CSMD1: variants seen among roughly 807,000 people sequenced by gnomAD.
CSMD1 encodes the protein CUB and sushi domain-containing protein 1.
In CSMD1, 213 loss-of-function variants were observed where a neutral mutation model predicts 417.5. The observed-to-expected ratio is 0.51, with a 90% confidence interval of 0.46 to 0.57. CSMD1 has a LOEUF of 0.57. Among genes scored for constraint, CSMD1 ranks in the 20% least tolerant of loss-of-function variants. The pLI, the probability that CSMD1 is intolerant of heterozygous loss-of-function variation, is 0.00. For missense variants in CSMD1, 6,923 were observed against 4,529.7 expected, an observed-to-expected ratio of 1.53 and a Z score of -15.17; for synonymous variants, 2,862 against 1,736.8, an observed-to-expected ratio of 1.65 and a Z score of -16.11.
chr8:3,108,535 G>C (rs1488053222), intron 44 of CSMD1, 68 bp downstream of exon 44: 9 of 1,505,952 alleles, frequency 6.0e-6, no homozygotes, highest in Non-Finnish European at 3.6e-6. Context: ...AACAAGGCGT[G>C]GGACAACACT....
intron 3 of CSMD1, among the ~76,000 whole-genome samples, chr8:4,089,993 A>G (rs533845947): frequency 6.6e-6 from 1 of 152,144 alleles, no homozygotes; most frequent in Admixed American, 6.5e-5. Flanking sequence ...ATGGAAACCT[A>G]CTTTCTCTAC....
intron 23 of CSMD1, among the ~76,000 whole-genome samples, chr8:3,327,414 T>C (rs2584222): frequency 0.35 from 52,501 of 152,088 alleles, 9,488 homozygotes; most frequent in African/African-American, 0.43. Flanking sequence ...ATTACAGGCA[T>C]GAGCCACCTC....
intron 3 of CSMD1, among the ~76,000 whole-genome samples, chr8:4,336,949 TG>T (rs1800208863): frequency 6.6e-6 from 1 of 152,070 alleles, no homozygotes; most frequent in Non-Finnish European, 1.5e-5. Context: ...GCTACAATGT[TG>T]AAATGGAGCA....
At chr8:4,458,845 A>T (rs1267650722) in intron 2 of CSMD1, among the ~76,000 whole-genome samples, 3 of 152,200 alleles carry the variant, frequency 2.0e-5, no homozygotes, top group African/African-American at 2.4e-5. Context: ...TTCAGAACTG[A>T]GGCAAGCGTA....
chr8:4,721,029 T>C (rs571988357), intron 1 of CSMD1, among the ~76,000 whole-genome samples: 78 of 152,318 alleles, frequency 5.1e-4, no homozygotes, highest in African/African-American at 1.7e-3. Flanking sequence ...ATTGTGTTTA[T>C]AGCATTATTC....
chr8:4,689,619 G>C (rs1473122093), intron 1 of CSMD1, among the ~76,000 whole-genome samples: 1 of 152,126 alleles, frequency 6.6e-6, no homozygotes. Flanking sequence ...TAGTTCAGAG[G>C]ACAGAAAAGG....
At chr8:4,472,903 T>A in intron 2 of CSMD1, among the ~76,000 whole-genome samples, 1 of 152,092 alleles carries the variant, frequency 6.6e-6, no homozygotes, top group Non-Finnish European at 1.5e-5. Flanking sequence ...TAGAAATTTT[T>A]GCCATAATAT....
chr8:4,374,436 G>T lies in CSMD1; in HGVS notation c.415+45517C>A, dbSNP rs75233835. On this transcript the variant is annotated intron_variant, in intron 3 of 69. Transcript: ENST00000635120. ...CACCTGAAAAAACTTTTTGTAGAAG[G>T]AATGGAACTTTATCTGTCCTACGGA... Among the ~76,000 whole-genome samples the T allele has an allele frequency of 3.2e-3, 486 of 152,270 alleles. 24 individuals carry two copies. In the East Asian group the frequency reaches 0.081, roughly 25 times the overall value.
At chr8:4,058,681 A>G (rs961176999) in intron 3 of CSMD1, among the ~76,000 whole-genome samples, 1 of 143,040 alleles carries the variant, frequency 7.0e-6, no homozygotes, top group African/African-American at 2.6e-5. Context: ...AACAAAGATC[A>G]AAAGAGACAA....
intron 7 of CSMD1, among the ~76,000 whole-genome samples, chr8:3,644,414 C>T (rs1379525378): frequency 1.3e-5 from 2 of 152,220 alleles, no homozygotes; most frequent in Non-Finnish European, 2.9e-5. Context: ...CTCGCATTTA[C>T]AGTTTCCTCA....
intron 7 of CSMD1, among the ~76,000 whole-genome samples, chr8:3,643,655 C>A (rs1240435262): frequency 7.0e-6 from 1 of 143,210 alleles, no homozygotes; most frequent in Non-Finnish European, 1.5e-5. Flanking sequence ...GAGCCGAGAT[C>A]GCGCCACTGC....
chr8:4,735,247 G>C (rs1810155130), intron 1 of CSMD1, among the ~76,000 whole-genome samples: 1 of 152,094 alleles, frequency 6.6e-6, no homozygotes, highest in African/African-American at 2.4e-5. Flanking sequence ...AGTCATCTCA[G>C]CACTGAAAAA....
At chr8:3,138,781 G>C (rs1445736020) in intron 41 of CSMD1, among the ~76,000 whole-genome samples, 1 of 152,174 alleles carries the variant, frequency 6.6e-6, no homozygotes, top group Non-Finnish European at 1.5e-5. Context: ...ACCACAGCCT[G>C]GGAGACAGAA....
chr8:3,676,451 A>C (rs776006147), intron 7 of CSMD1, among the ~76,000 whole-genome samples: 2 of 152,272 alleles, frequency 1.3e-5, no homozygotes, highest in Non-Finnish European at 2.9e-5. Context: ...TTAGTTATGT[A>C]GAAATTATTA....
intron 2 of CSMD1, among the ~76,000 whole-genome samples, chr8:4,497,131 C>A (rs11997705): frequency 0.068 from 10,401 of 152,220 alleles, 382 homozygotes; most frequent in Middle Eastern, 0.11. Context: ...TTGTCTATAG[C>A]CCTTGACTCA....
rs1026855782 is a variant in CSMD1, at chr8:2,942,543, C to G, written c.10464G>C (p.Val3488=). 4 of 1,610,156 alleles carry G rather than the reference C, an allele frequency of 2.5e-6. No individual in the cohort carries two copies. The highest frequency in any genetic ancestry group is 3.4e-6 in the Non-Finnish European group (4 of 1,177,918). ...AGAAAGGAACCAGAATGGCAGCCGC[C>G]ACAGAGCCACTGCTGGTGCCGTGGT... The part of the protein sequence containing the change: ...SHYHGTSSGS[V]AAAILVPFFA... The change falls in exon 69 of 70, where the codon GTG becomes GTC. Residue 3488 remains valine (V), a synonymous_variant. Transcript: ENST00000635120.
chr8:4,760,421 T>A (rs530878595), intron 1 of CSMD1, among the ~76,000 whole-genome samples: 1 of 152,194 alleles, frequency 6.6e-6, no homozygotes, highest in Non-Finnish European at 1.5e-5. Context: ...GATACCTTTG[T>A]GGCTAGAAGA....
chr8:3,772,936 T>A (rs1412148166), intron 5 of CSMD1, among the ~76,000 whole-genome samples: 1 of 152,084 alleles, frequency 6.6e-6, no homozygotes, highest in Non-Finnish European at 1.5e-5. Flanking sequence ...CTCACAGTTC[T>A]GGGGTCTGGA....
intron 3 of CSMD1, among the ~76,000 whole-genome samples, chr8:4,040,192 G>A (rs143571956): frequency 6.6e-6 from 1 of 151,990 alleles, no homozygotes; most frequent in Non-Finnish European, 1.5e-5. Flanking sequence ...AAGTGAAGGA[G>A]AAGGACATCG....
Sources: gnomAD v4.1 joint callset for allele counts (sites outside exome capture counted in the v4.1 genomes callset) on GRCh38, gnomAD v4.1.1 for gene constraint, MANE v1.5 for transcripts, NCBI Gene and HGNC (gene_info 2026-07-23, HGNC 2026-07-21) for gene names.